DLC1: variants seen among roughly 807,000 people sequenced by gnomAD.
The protein encoded by DLC1 is DLC1 Rho GTPase activating protein.
A neutral mutation model predicts 140.3 loss-of-function variants in DLC1; 54 were observed. The ratio of observed to expected loss-of-function variants is 0.38; its 90% CI spans 0.31 to 0.48. DLC1 has a LOEUF of 0.48. DLC1 is among the 20% of genes least tolerant of loss of function. The pLI is 0.96. For missense variants in DLC1, 2,536 were observed against 1,907.0 expected (o/e 1.33, Z -6.14); for synonymous variants, 986 against 728.1 (o/e 1.35, Z -5.70).
chr8:13,350,246 A>G (rs1397187494), intron 4 of DLC1, among the ~76,000 whole-genome samples: 1 of 152,136 alleles, frequency 6.6e-6, no homozygotes, highest in Non-Finnish European at 1.5e-5. Flanking sequence ...ATAGATTTTT[A>G]TAACTCCCTT....
chr8:13,117,305 T>C (rs1820639494), intron 5 of DLC1, among the ~76,000 whole-genome samples: 1 of 151,844 alleles, frequency 6.6e-6, no homozygotes, highest in Non-Finnish European at 1.5e-5. Context: ...ACCCTGTCTC[T>C]ACCAAAGAAA....
intron 4 of DLC1, among the ~76,000 whole-genome samples, chr8:13,336,269 G>T (rs1454940): frequency 0.86 from 130,027 of 151,988 alleles, 56,034 homozygotes; most frequent in East Asian, 0.95. Context: ...TAAGGTGAAA[G>T]TGCTTGACCC....
At chr8:13,182,728 G>A (rs1397790272) in intron 5 of DLC1, among the ~76,000 whole-genome samples, 15 of 150,432 alleles carry the variant, frequency 1.0e-4, no homozygotes, top group South Asian at 4.2e-4. Flanking sequence ...CTGTAGCCTT[G>A]TAGTATAGTT....
intron 4 of DLC1, among the ~76,000 whole-genome samples, chr8:13,370,050 G>C (rs538497964): frequency 6.6e-6 from 1 of 150,760 alleles, no homozygotes; most frequent in African/African-American, 2.4e-5. Flanking sequence ...AGAACATCTA[G>C]TTTGCCCTTC....
At chr8:13,138,812 G>C (rs1039093372) in intron 5 of DLC1, among the ~76,000 whole-genome samples, 20 of 152,172 alleles carry the variant, frequency 1.3e-4, no homozygotes, top group Admixed American at 1.2e-3. Flanking sequence ...CCAAATGCTG[G>C]AGTGTAGGAT....
At position 13,514,746 on chromosome 8, in the gene DLC1, A is replaced by C. The variant is rs1802528164; in HGVS notation, c.-270T>G. On this transcript the variant is annotated 5_prime_UTR_variant, in exon 1 of 18. Transcript: ENST00000276297. Reference sequence around the variant, plus strand: ...GGCTCTATTCTGAGCAGTTTCACGCAGTGTGTGAGTCTAACAAAAACACCC... The same window carrying C: ...GGCTCTATTCTGAGCAGTTTCACGCCGTGTGTGAGTCTAACAAAAACACCC... 2.5e-6 allele frequency: 1 copy of C among 397,910 alleles called. No homozygotes were observed. The allele number at this position is 397,910 out of a possible 1,614,324, so 24.6% of individuals were successfully genotyped here. A position where few individuals can be genotyped will look rare whatever the true frequency, so the allele number is the denominator to read the frequency against.
At chr8:13,546,124 A>G (rs1439072871) in intron 1 of DLC1, among the ~76,000 whole-genome samples, 2 of 152,094 alleles carry the variant, frequency 1.3e-5, no homozygotes, top group Non-Finnish European at 2.9e-5. Context: ...TGTAAGGGAT[A>G]TGCTATTTAT....
intron 5 of DLC1, among the ~76,000 whole-genome samples, chr8:13,235,055 A>G (rs1371309930): frequency 1.3e-5 from 2 of 152,034 alleles, no homozygotes; most frequent in East Asian, 3.9e-4. Flanking sequence ...TTTAGTTATG[A>G]CAGCTGTTAT....
chr8:13,468,329 C>G (rs1800038703), intron 2 of DLC1, among the ~76,000 whole-genome samples: 2 of 104,554 alleles, frequency 1.9e-5, no homozygotes, highest in Admixed American at 9.9e-5. Flanking sequence ...CTCTCTTTCC[C>G]TTCCCCCCAT....
intron 15 of DLC1, among the ~76,000 whole-genome samples, chr8:13,089,631 T>C (rs1338209347): frequency 1.3e-5 from 2 of 152,022 alleles, no homozygotes; most frequent in Admixed American, 6.6e-5. Context: ...TCTCAAAAAA[T>C]ATAAATAAAT....
intron 2 of DLC1, among the ~76,000 whole-genome samples, chr8:13,482,332 T>A (rs939237921): frequency 3.1e-5 from 3 of 96,434 alleles, no homozygotes; most frequent in African/African-American, 7.6e-5. Flanking sequence ...TCTACAAGAA[T>A]GGGACAAGTC....
intron 2 of DLC1, among the ~76,000 whole-genome samples, chr8:13,429,117 T>C (rs1248798017): frequency 2.6e-5 from 4 of 152,204 alleles, no homozygotes; most frequent in Non-Finnish European, 5.9e-5. Context: ...AGATAAAATC[T>C]ACATTCCTCA....
chr8:13,184,392 C>T (rs895628422), intron 5 of DLC1, among the ~76,000 whole-genome samples: 11 of 151,962 alleles, frequency 7.2e-5, no homozygotes, highest in African/African-American at 9.7e-5. Context: ...TGTGATGTTA[C>T]GGTGTCAATT....
chr8:13,341,475 G>A (rs1834047113), intron 4 of DLC1: 1 of 152,194 alleles, frequency 6.6e-6, no homozygotes, highest in African/African-American at 2.4e-5. Flanking sequence ...TAGGTTTGGG[G>A]CAGGGCCTGG....
upstream of DLC1, among the ~76,000 whole-genome samples, chr8:13,515,091 C>A (rs193132369): frequency 6.6e-6 from 1 of 151,954 alleles, no homozygotes; most frequent in Non-Finnish European, 1.5e-5. Context: ...TCCCACACTG[C>A]TTATGAAAAA....
At chr8:13,237,977 G>A (rs1443345521) in intron 5 of DLC1, among the ~76,000 whole-genome samples, 1 of 152,084 alleles carries the variant, frequency 6.6e-6, no homozygotes, top group African/African-American at 2.4e-5. Flanking sequence ...AGAAAAGAAG[G>A]AAAGAAACGA....
chr8:13,470,572 C>A (rs1031849429), intron 2 of DLC1, among the ~76,000 whole-genome samples: 2 of 152,166 alleles, frequency 1.3e-5, no homozygotes, highest in African/African-American at 2.4e-5. Flanking sequence ...TGAAATATTA[C>A]CCCACACCTG....
chr8:13,284,687 C>G (rs906338038), intron 5 of DLC1, among the ~76,000 whole-genome samples: 4 of 151,540 alleles, frequency 2.6e-5, no homozygotes, highest in African/African-American at 9.8e-5. Context: ...GTGAGTTTAG[C>G]AAGATCACAG....
chr8:13,178,253 C>G (rs956567435), intron 5 of DLC1, among the ~76,000 whole-genome samples: 1 of 152,066 alleles, frequency 6.6e-6, no homozygotes, highest in Non-Finnish European at 1.5e-5. Context: ...AGGCAACCCC[C>G]CAAAAAAACT....
Sources: allele counts gnomAD v4.1 joint callset (sites outside exome capture counted in the v4.1 genomes callset), GRCh38; gene constraint gnomAD v4.1.1; transcripts MANE v1.5; gene names NCBI Gene and HGNC (gene_info 2026-07-23, HGNC 2026-07-21).